The following SHISA9 variants were observed in gnomAD, a reference collection of about 807,000 sequenced individuals.
SHISA9 encodes protein shisa-9.
A neutral mutation model predicts 38.0 loss-of-function variants in SHISA9; 13 were observed. The ratio of observed to expected loss-of-function variants is 0.34; its 90% CI spans 0.22 to 0.54. The LOEUF (loss-of-function observed/expected upper bound fraction) is 0.54. Among genes scored for constraint, SHISA9 ranks in the 20% least tolerant of loss-of-function variants. The probability of loss-of-function intolerance (pLI) is 0.91; values close to 1 mark genes in which losing one functional copy is unlikely to be tolerated. For synonymous variants in SHISA9, 275 were observed against 242.0 expected (o/e 1.14, Z -1.27); for missense variants, 538 against 575.8 (o/e 0.93, Z 0.67).
At chr16:13,009,726 T>C (rs1414020419) in intron 2 of SHISA9, among the ~76,000 whole-genome samples, 2 of 152,156 alleles carry the variant, frequency 1.3e-5, no homozygotes, top group Non-Finnish European at 2.9e-5. Context: ...CTCAAATGCC[T>C]GCAAGGGCCA....
At chr16:13,495,379 G>T in the SHISA9 span, among the ~76,000 whole-genome samples, 2 of 152,090 alleles carry the variant, frequency 1.3e-5, no homozygotes, top group African/African-American at 4.8e-5. Context: ...TCGTATTTTC[G>T]CAATTTCCTA....
chr16:13,367,750 C>A, the SHISA9 span, among the ~76,000 whole-genome samples: 1 of 127,818 alleles, frequency 7.8e-6, no homozygotes, highest in Non-Finnish European at 1.7e-5. Context: ...ACACACACAC[C>A]CCTGAATTTG....
chr16:13,110,655 G>T (rs2073969653), intron 2 of SHISA9, among the ~76,000 whole-genome samples: 1 of 152,226 alleles, frequency 6.6e-6, no homozygotes, highest in Admixed American at 6.5e-5. Context: ...ATCTGATGGT[G>T]TGACAGGTCA....
chr16:13,035,153 G>A (rs1223624833), intron 2 of SHISA9, among the ~76,000 whole-genome samples: 1 of 152,158 alleles, frequency 6.6e-6, no homozygotes, highest in Non-Finnish European at 1.5e-5. Flanking sequence ...AAACTGATAT[G>A]TTTGGAATAT....
chr16:13,111,726 G>A (rs2073980221), intron 2 of SHISA9, among the ~76,000 whole-genome samples: 1 of 152,144 alleles, frequency 6.6e-6, no homozygotes, highest in Non-Finnish European at 1.5e-5. Context: ...AAGCAATTCA[G>A]TATTGAATAT....
the SHISA9 span, among the ~76,000 whole-genome samples, chr16:13,415,937 G>T: frequency 1.3e-5 from 2 of 152,116 alleles, no homozygotes; most frequent in African/African-American, 4.8e-5. Flanking sequence ...ACTAATCTTT[G>T]GTGTTAGATG....
intron 2 of SHISA9, among the ~76,000 whole-genome samples, chr16:12,979,891 C>T (rs1234936136): frequency 6.6e-6 from 1 of 152,140 alleles, no homozygotes; most frequent in Non-Finnish European, 1.5e-5. Context: ...TCCTTCTTTA[C>T]TACGACTTCT....
intron 2 of SHISA9, among the ~76,000 whole-genome samples, chr16:13,007,890 G>C (rs1175046916): frequency 1.3e-5 from 2 of 152,148 alleles, no homozygotes; most frequent in Non-Finnish European, 2.9e-5. Flanking sequence ...ACAATGGAAG[G>C]GGCAGGGTTT....
At chr16:12,992,674 C>A (rs1329901657) in intron 2 of SHISA9, among the ~76,000 whole-genome samples, 2 of 152,198 alleles carry the variant, frequency 1.3e-5, no homozygotes, top group Non-Finnish European at 2.9e-5. Context: ...CAACAAAAGG[C>A]TGTTTTCCGC....
intron 2 of SHISA9, among the ~76,000 whole-genome samples, chr16:13,044,341 G>T (rs1330066382): frequency 6.6e-6 from 1 of 152,188 alleles, no homozygotes; most frequent in Non-Finnish European, 1.5e-5. Flanking sequence ...CATCAGTTTG[G>T]GTTCCAGCCC....
chr16:13,010,052 C>G (rs185388658), intron 2 of SHISA9, among the ~76,000 whole-genome samples: 148 of 152,188 alleles, frequency 9.7e-4, no homozygotes, highest in African/African-American at 3.4e-3. Context: ...GTGGTACACA[C>G]CTGTGGTCCC....
rs116647561 is a variant in SHISA9 at position 12,999,762 on chromosome 16, A to C, written c.691+82947A>C. 4.4e-3 allele frequency among the ~76,000 whole-genome samples: 664 copies of C among 152,292 alleles called. 5 individuals carry two copies. Among genetic ancestry groups the C allele is most frequent in the African/African-American group, 0.016 (646 of 41,562 alleles). ...CATGTAGTTTGGGAACTGTGGAATT[A>C]GTGCCTGAAGGTTGACTTCCTACAG... On this transcript the variant is annotated intron_variant, in intron 2 of 4. Coordinates refer to ENST00000558583, the MANE Select transcript of SHISA9 (RefSeq NM_001145204.3).
chr16:13,271,571 C>A, the SHISA9 span, among the ~76,000 whole-genome samples: 1 of 152,124 alleles, frequency 6.6e-6, no homozygotes, highest in Non-Finnish European at 1.5e-5. Context: ...AAACTATTGA[C>A]ACACACGACA....
At chr16:13,209,164 T>C (rs2051095129) in intron 3 of SHISA9, among the ~76,000 whole-genome samples, 1 of 152,218 alleles carries the variant, frequency 6.6e-6, no homozygotes, top group South Asian at 2.1e-4. Flanking sequence ...GCCTGACATA[T>C]GTCAGTCCTC....
At chr16:13,062,941 A>G (rs984481633) in intron 2 of SHISA9, among the ~76,000 whole-genome samples, 1 of 148,470 alleles carries the variant, frequency 6.7e-6, no homozygotes, top group Non-Finnish European at 1.5e-5. Context: ...GGCTAGATGC[A>G]CTTGCCTGGG....
intron 2 of SHISA9, among the ~76,000 whole-genome samples, chr16:13,168,735 G>A (rs979738124): frequency 3.9e-5 from 6 of 152,226 alleles, no homozygotes; most frequent in Non-Finnish European, 5.9e-5. Context: ...AGCAGGCTAG[G>A]AGCCCAGGAT....
chr16:12,906,793 C>T (rs1052406612), intron 1 of SHISA9, among the ~76,000 whole-genome samples: 23 of 152,100 alleles, frequency 1.5e-4, no homozygotes, highest in South Asian at 6.2e-4. Context: ...CTGCGTTGTA[C>T]GGGGCTGTCC....
At chr16:13,050,900 C>G (rs899094405) in intron 2 of SHISA9, among the ~76,000 whole-genome samples, 2 of 152,204 alleles carry the variant, frequency 1.3e-5, no homozygotes, top group African/African-American at 4.8e-5. Context: ...TGTTGCTGTC[C>G]TGGGTAAACC....
chr16:13,355,806 C>T, the SHISA9 span, among the ~76,000 whole-genome samples: 10 of 152,188 alleles, frequency 6.6e-5, no homozygotes, highest in South Asian at 6.2e-4. Context: ...AGGGGGCTTC[C>T]GAGGCGATCG....
Sources: allele counts gnomAD v4.1 joint callset (sites outside exome capture counted in the v4.1 genomes callset), GRCh38; gene constraint gnomAD v4.1.1; transcripts MANE v1.5; gene names NCBI Gene and HGNC (gene_info 2026-07-23, HGNC 2026-07-21).